DNAJC13: variants seen among roughly 807,000 people sequenced by gnomAD.
DNAJC13 encodes the protein dnaJ homolog subfamily C member 13.
A neutral mutation model predicts 290.5 loss-of-function variants in DNAJC13; 75 were observed. The ratio of observed to expected loss-of-function variants is 0.26; its 90% CI spans 0.21 to 0.31. DNAJC13 has a LOEUF of 0.31. Ranked by LOEUF, DNAJC13 falls within the 10% of genes least tolerant of loss-of-function variation. The probability of loss-of-function intolerance (pLI) is 1.00; values close to 1 mark genes in which losing one functional copy is unlikely to be tolerated. For synonymous variants in DNAJC13, 862 were observed against 892.0 expected (o/e 0.97, Z 0.60); for missense variants, 2,260 against 2,674.5 (o/e 0.85, Z 3.42).
At chr3:132,506,513 T>C (rs1421608806) in intron 42 of DNAJC13, among the ~76,000 whole-genome samples, 2 of 151,492 alleles carry the variant, frequency 1.3e-5, no homozygotes, top group Non-Finnish European at 2.9e-5. Context: ...TCCTCCTCTA[T>C]TTTTTAGCAC....
At chr3:132,482,351 T>TGCTCTAAGTTTAAAAAAGATTTAAA in intron 27 of DNAJC13, 21 bp downstream of exon 27, 1 of 1,595,552 alleles carries the variant, frequency 6.3e-7, no homozygotes, top group South Asian at 1.1e-5. Context: ...TGGAGATACT[T>TGCTCTAAGTTTAAAAAAGATTTAAA]TTGGTGAAGG....
At chr3:132,510,375 G>C (rs1051633125) in intron 43 of DNAJC13, among the ~76,000 whole-genome samples, 6 of 152,122 alleles carry the variant, frequency 3.9e-5, no homozygotes, top group African/African-American at 1.2e-4. Context: ...CATATAGGGA[G>C]TTTTTGCTTT....
At position 132,505,303 on chromosome 3, in the gene DNAJC13, T is replaced by C. The variant is rs1935549079; in HGVS notation, c.4886T>C (p.Ile1629Thr). The change falls in exon 42 of 56, where the codon ATT becomes ACT. Residue 1629 changes from isoleucine to threonine, a missense_variant and splice_region_variant. Transcript: ENST00000260818. ...TAAAACGGTAATATTGTCTCCTAGATTTTGAAGATGCTTAACAGCAACACA... is the reference window on the plus strand; with the variant it reads ...TAAAACGGTAATATTGTCTCCTAGACTTTGAAGATGCTTAACAGCAACACA... ...RKLAVASVTE[I>T]LKMLNSNTES... is the part of the protein sequence containing the mutation. The C allele has an allele frequency of 6.3e-7, 1 of 1,581,276 alleles. No individual in the cohort carries two copies. The highest frequency in any genetic ancestry group is 1.4e-5 in the African/African-American group (1 of 73,784).
chr3:132,447,540 G>T (rs1477262704), intron 4 of DNAJC13, 70 bp downstream of exon 4: 2 of 1,382,788 alleles, frequency 1.4e-6, no homozygotes, highest in Non-Finnish European at 1.9e-6. Flanking sequence ...TTACATAGAA[G>T]TAGAGAAATT....
intron 31 of DNAJC13, among the ~76,000 whole-genome samples, chr3:132,490,054 A>G (rs1422043270): frequency 1.3e-5 from 2 of 152,250 alleles, no homozygotes; most frequent in Non-Finnish European, 2.9e-5. Context: ...TTACCAAATA[A>G]TAGTATTGAA....
intron 35 of DNAJC13, among the ~76,000 whole-genome samples, chr3:132,496,236 A>G (rs1935230438): frequency 6.6e-6 from 1 of 152,186 alleles, no homozygotes; most frequent in African/African-American, 2.4e-5. Context: ...TTTGTTATAT[A>G]GACGCAAACT....
intron 1 of DNAJC13, among the ~76,000 whole-genome samples, chr3:132,420,649 CAA>C (rs1938928271): frequency 6.6e-6 from 1 of 151,814 alleles, no homozygotes. Flanking sequence ...AGGCACAACA[CAA>C]AGAATCAAAC....
intron 55 of DNAJC13, among the ~76,000 whole-genome samples, chr3:132,537,613 A>T (rs1211358504): frequency 6.6e-6 from 1 of 152,222 alleles, no homozygotes; most frequent in Non-Finnish European, 1.5e-5. Context: ...GTACCCTTTC[A>T]CATAGCATTC....
At chr3:132,507,855 TCA>T (rs1935644580) in intron 43 of DNAJC13, among the ~76,000 whole-genome samples, 2 of 151,566 alleles carry the variant, frequency 1.3e-5, no homozygotes, top group Middle Eastern at 3.2e-3. Context: ...AAAGGAAGAG[TCA>T]CAGGTCTCTC....
At chr3:132,536,904 C>T (rs1349129011) in intron 55 of DNAJC13, among the ~76,000 whole-genome samples, 1 of 152,114 alleles carries the variant, frequency 6.6e-6, no homozygotes, top group Non-Finnish European at 1.5e-5. Flanking sequence ...TTTATAAGTA[C>T]AGCGTTCCAA....
intron 1 of DNAJC13, among the ~76,000 whole-genome samples, chr3:132,419,303 CTT>C (rs1938888084): frequency 6.6e-6 from 1 of 152,048 alleles, no homozygotes; most frequent in Non-Finnish European, 1.5e-5. Flanking sequence ...GAATATTCCT[CTT>C]TTTCTAAAGT....
Position 132,505,290 on chromosome 3 carries a change from A to G in DNAJC13, c.4885-12A>G. On this transcript the variant is annotated splice_polypyrimidine_tract_variant and intron_variant, in intron 41 of 55. Transcript: ENST00000260818. ...TCACTAAATGTTATAAAACGGTAAT[A>G]TTGTCTCCTAGATTTTGAAGATGCT... is the stretch of plus-strand genomic sequence containing the variant. 2 of 1,517,920 alleles carry G rather than the reference A, an allele frequency of 1.3e-6. No homozygotes were observed. Among genetic ancestry groups the G allele is most frequent in the Non-Finnish European group, 9.1e-7 (1 of 1,100,182 alleles). 94.0% of individuals were successfully genotyped at this position (1,517,920 alleles called of 1,614,324 possible).
intron 54 of DNAJC13, among the ~76,000 whole-genome samples, 194 bp from the exon 55 acceptor site, chr3:132,530,804 T>TC (rs1936392427): frequency 6.6e-6 from 1 of 152,224 alleles, no homozygotes; most frequent in South Asian, 2.1e-4. Flanking sequence ...GAGGACTTCT[T>TC]TGGGTCTGCC....
At chr3:132,467,351 T>C in intron 20 of DNAJC13, 38 bp downstream of exon 20, 1 of 1,609,676 alleles carries the variant, frequency 6.2e-7, no homozygotes, top group South Asian at 1.1e-5. Context: ...CTGGCACTTC[T>C]GTGTGTCCTA....
Position 132,499,303 on chromosome 3 carries a change from G to T in DNAJC13, c.4334G>T (p.Gly1445Val). 1 of 1,603,288 alleles carries T rather than the reference G, an allele frequency of 6.2e-7. No homozygotes were observed. ...GCTGAAGAGCTCAGAAGAGAGAATG[G>T]ACTAGAGGTAATACGGAGTGACCTT... The part of the protein sequence containing the change: ...LNAEELRREN[G>V]LEVLQEAFSR... Residue 1445 changes from glycine (G) to valine (V), a missense_variant, in exon 37 of 56, where the codon GGA becomes GTA. Transcript: ENST00000260818.
At chr3:132,485,319 T>C (rs1162254256) in intron 29 of DNAJC13, among the ~76,000 whole-genome samples, 1 of 152,008 alleles carries the variant, frequency 6.6e-6, no homozygotes, top group African/African-American at 2.4e-5. Flanking sequence ...TTTGTATTTT[T>C]AGTAGAGCAG....
In DNAJC13 at chr3:132,502,397, G is replaced by A. The variant is rs183714148; in HGVS notation, c.4645G>A (p.Gly1549Ser). The A allele has an allele frequency of 1.9e-6, 3 of 1,613,896 alleles. No homozygotes were observed. Among genetic ancestry groups the A allele is most frequent in the African/African-American group, 2.7e-5 (2 of 74,974 alleles). Residue 1549 changes from glycine (G) to serine (S), a missense_variant, in exon 40 of 56, where the codon GGT (glycine) becomes AGT (serine). By Grantham distance (56) the Gly-to-Ser change is moderately conservative (BLOSUM62 0). Around this residue, in one of 3 missense-constraint regions of DNAJC13, gnomAD observed 1,494 missense variants for 1,693.7 expected, o/e 0.88. Coordinates refer to ENST00000260818, the MANE Select transcript of DNAJC13 (RefSeq NM_015268.4). ...FQAGILWYLLGFLFNYDYTLE... is the reference protein window; with the variant it reads ...FQAGILWYLLSFLFNYDYTLE... ...GGCTGGAATTTTGTGGTATCTCCTT[G>A]GTTTTCTGTTTAATTATGACTACAC...
At chr3:132,451,638 T>C (rs1215281276) in intron 6 of DNAJC13, among the ~76,000 whole-genome samples, 2 of 152,110 alleles carry the variant, frequency 1.3e-5, no homozygotes, top group Non-Finnish European at 2.9e-5. Flanking sequence ...AATTGCAAAA[T>C]TCCTTTCTCT....
rs1054542172 is a variant in DNAJC13, at chr3:132,507,248, C to T, written c.5010C>T (p.Asp1670=). The T allele has an allele frequency of 1.2e-6, 2 of 1,608,452 alleles. No individual in the cohort carries two copies. The highest frequency in any genetic ancestry group is 1.1e-5 in the South Asian group (1 of 90,318). Residue 1670 remains aspartate, a synonymous_variant, in exon 43 of 56, where the codon GAC becomes GAT. Transcript: ENST00000260818. ...CATCTTTTAAAAAGGGTGATTGTGA[C>T]AAAACTTATGGATCAGAATTTGTCT... ...QENMIKKGDC[D]KTYGSEFVYS...
Sources: gnomAD v4.1 joint callset for allele counts (sites outside exome capture counted in the v4.1 genomes callset) on GRCh38, gnomAD v4.1.1 for gene constraint, gnomAD v4.1.1 regional missense constraint, MANE v1.5 for transcripts, NCBI Gene and HGNC (gene_info 2026-07-23, HGNC 2026-07-21) for gene names.